ZNF593OS: variants seen among roughly 807,000 people sequenced by gnomAD.
ZNF593OS encodes the protein ZNF593 opposite strand.
chr1:26,170,553 C>G, exon 2 of ZNF593OS: 2 of 1,613,994 alleles, frequency 1.2e-6, no homozygotes, highest in Non-Finnish European at 1.7e-6. Flanking sequence ...CAGCTCCCAA[C>G]TCCTGTTTTT....
exon 2 of ZNF593OS, chr1:26,170,731 G>T (rs1222483631): frequency 6.3e-7 from 1 of 1,599,228 alleles, no homozygotes; most frequent in East Asian, 2.2e-5. Flanking sequence ...GCCTGAAGAT[G>T]CAGGGCAGAG....
chr1:26,170,416 A>G (rs764499594), downstream of ZNF593OS: 2 of 1,613,598 alleles, frequency 1.2e-6, no homozygotes, highest in Non-Finnish European at 8.5e-7. Flanking sequence ...CCATTCCTAC[A>G]GGAGGTACTT....
chr1:26,170,977 T>A (rs2088491282), exon 2 of ZNF593OS: 10 of 575,490 alleles, frequency 1.7e-5, no homozygotes. Context: ...TACTCCCCAC[T>A]TGGTCTATCT....
At chr1:26,169,945 C>G, downstream of ZNF593OS, 1 of 1,512,136 alleles carries the variant, frequency 6.6e-7, no homozygotes, top group Non-Finnish European at 8.8e-7. Context: ...GCTCCCTGCC[C>G]TGCTCCTGGC....
downstream of ZNF593OS, chr1:26,170,384 C>G: frequency 6.3e-7 from 1 of 1,598,702 alleles, no homozygotes; most frequent in East Asian, 2.2e-5. Flanking sequence ...AGACTATCAC[C>G]TCCTCACTCT....
chr1:26,169,869 C>A, downstream of ZNF593OS: 1 of 1,188,632 alleles, frequency 8.4e-7, no homozygotes, highest in Non-Finnish European at 1.1e-6. Context: ...GGCGGTCCGG[C>A]CGAGCCTGCC....
At position 26,170,762 on chromosome 1, in the gene ZNF593OS, C is replaced by A. The variant is rs558531818; in HGVS notation, c.*427G>T. 3.8e-6 allele frequency: 6 copies of A among 1,580,002 alleles called. No homozygotes were observed. The African/African-American group carries it at 8.0e-5, about 21-fold the overall frequency. On this transcript the variant is annotated 3_prime_UTR_variant, in exon 2 of 2. Coordinates refer to ENST00000648649, the Ensembl canonical transcript of ZNF593OS. ...CAGAGGAATTGCCCATGGACAGTGACGCAAGGACTAGGCTGGGAGGGAGCG... is the reference window on the plus strand; with the variant it reads ...CAGAGGAATTGCCCATGGACAGTGAAGCAAGGACTAGGCTGGGAGGGAGCG...
At chr1:26,170,015 G>A (rs533604195), downstream of ZNF593OS, 15 of 1,562,278 alleles carry the variant, frequency 9.6e-6, no homozygotes, top group Admixed American at 1.9e-5. Context: ...GGCGCGCACC[G>A]AGCGCACTCT....
rs563760518 is a variant in ZNF593OS at position 26,171,724 on chromosome 1, C to T, written c.-63G>A. 5 of 398,526 alleles carry T rather than the reference C, an allele frequency of 1.3e-5. No individual in the cohort carries two copies. Among genetic ancestry groups the T allele is most frequent in the East Asian group, 7.1e-5 (2 of 28,064 alleles). The allele number at this position is 398,526 out of a possible 1,614,324, so 24.7% of individuals were successfully genotyped here. On this transcript the variant is annotated 5_prime_UTR_variant, in exon 1 of 2. Transcript: ENST00000648649. The surrounding 1 kb of genome is among the most constrained non-coding windows in gnomAD (Gnocchi z 5.5). ...GGGAGCGGACGTGAAGACCAGTGGT[C>T]TTCATGACACCAAGAAGTGGAAACT...
Position 26,171,482 on chromosome 1 carries a change from C to T in ZNF593OS, c.45+135G>A. ...GGAGATTCCACCCCAATCCCTTTCG[C>T]CTCACTGCCCATCTGGGCCTGCCTG... On this transcript the variant is annotated intron_variant, in intron 1 of 1. Transcript: ENST00000648649. This position sits in a 1 kb window ranked among gnomAD's most constrained non-coding sequence, Gnocchi z 5.5. 1 of 398,630 alleles carries T rather than the reference C, an allele frequency of 2.5e-6. No individual in the cohort carries two copies. The highest frequency in any genetic ancestry group is 4.4e-6 in the Non-Finnish European group (1 of 226,194). The allele number at this position is 398,630 out of a possible 1,614,324, so 24.7% of individuals were successfully genotyped here.
At position 26,171,206 on chromosome 1, in the gene ZNF593OS, C is replaced by A; in HGVS notation, c.175G>T (p.Val59Leu). ...CTTCTTCGTTACGGGGCCCGTGGCA[C>A]CCGCCGCTGCCCCACCATCTTCCAG... is the stretch of plus-strand genomic sequence containing the variant. Residue 59 changes from valine to leucine, a missense_variant, in exon 2 of 2, where the codon GTG (valine) becomes TTG (leucine). Coordinates refer to ENST00000648649, the Ensembl canonical transcript of ZNF593OS. This position sits in a 1 kb window ranked among gnomAD's most constrained non-coding sequence, Gnocchi z 5.5. The A allele has an allele frequency of 2.5e-6, 1 of 406,794 alleles. No individual in the cohort carries two copies. The allele number at this position is 406,794 out of a possible 1,614,324, so 25.2% of individuals were successfully genotyped here.
downstream of ZNF593OS, chr1:26,169,755 C>T (rs2088464370): frequency 1.9e-6 from 1 of 535,950 alleles, no homozygotes; most frequent in Non-Finnish European, 3.2e-6. Context: ...CGGGGCCATG[C>T]CCTTCAGTGG....
In ZNF593OS at chr1:26,171,120, G is replaced by A; in HGVS notation, c.*69C>T. ...CAGAGACTGATCCCCAGAAAAGAAG[G>A]CTTCTGAGATTGCACCCCCCTCCCG... On this transcript the variant is annotated 3_prime_UTR_variant, in exon 2 of 2. Coordinates refer to ENST00000648649, the Ensembl canonical transcript of ZNF593OS. This position sits in a 1 kb window ranked among gnomAD's most constrained non-coding sequence, Gnocchi z 5.5. 2 of 408,132 alleles carry A rather than the reference G, an allele frequency of 4.9e-6. No individual in the cohort carries two copies. The highest frequency in any genetic ancestry group is 2.2e-4 in the South Asian group (2 of 9,188). The allele number at this position is 408,132 out of a possible 1,614,324, so 25.3% of individuals were successfully genotyped here. A position where few individuals can be genotyped will look rare whatever the true frequency, so the allele number is the denominator to read the frequency against.
chr1:26,171,008 T>C lies in ZNF593OS; in HGVS notation c.*181A>G. 3.7e-6 allele frequency: 2 copies of C among 546,348 alleles called. No homozygotes were observed. The highest frequency in any genetic ancestry group is 2.8e-5 in the South Asian group (1 of 35,536). 33.8% of individuals were successfully genotyped at this position (546,348 alleles called of 1,614,324 possible). On this transcript the variant is annotated 3_prime_UTR_variant, in exon 2 of 2. Coordinates refer to ENST00000648649, the Ensembl canonical transcript of ZNF593OS. The surrounding 1 kb of genome is among the most constrained non-coding windows in gnomAD (Gnocchi z 5.5). Reference sequence around the variant, plus strand: ...TATCTCTGCCTTCCCTCTGAGGTCCTAGCATCTGAACTGGAGCACCCAGAT... The same window carrying C: ...TATCTCTGCCTTCCCTCTGAGGTCCCAGCATCTGAACTGGAGCACCCAGAT...
rs2088497050 is a variant in ZNF593OS, at chr1:26,171,480, C to T, written c.45+137G>A. On this transcript the variant is annotated intron_variant, in intron 1 of 1. Coordinates refer to ENST00000648649, the Ensembl canonical transcript of ZNF593OS. This position sits in a 1 kb window ranked among gnomAD's most constrained non-coding sequence, Gnocchi z 5.5. The stretch of plus-strand genomic sequence containing the variant: ...AGGGAGATTCCACCCCAATCCCTTT[C>T]GCCTCACTGCCCATCTGGGCCTGCC... The T allele has an allele frequency of 2.5e-5, 10 of 398,466 alleles. No individual in the cohort carries two copies. Among genetic ancestry groups the T allele is most frequent in the Non-Finnish European group, 4.4e-5 (10 of 226,182 alleles). The allele number at this position is 398,466 out of a possible 1,614,324, so 24.7% of individuals were successfully genotyped here.
rs370729691 is a variant in ZNF593OS, at chr1:26,170,793, A to AC, written c.*395dup. The AC allele has an allele frequency of 4.6e-4, 707 of 1,531,676 alleles. 3 individuals are homozygous for AC. In the African/African-American group the frequency reaches 9.2e-3, roughly 20 times the overall value. The allele number at this position is 1,531,676 out of a possible 1,614,324, so 94.9% of individuals were successfully genotyped here. A position where few individuals can be genotyped will look rare whatever the true frequency, so the allele number is the denominator to read the frequency against. On this transcript the variant is annotated 3_prime_UTR_variant, in exon 2 of 2. Transcript: ENST00000648649. ...GACTAGGCTGGGAGGGAGCGTGCCAACCCCTTTTGCCTCTGGGTTTGGGGA... is the reference window on the plus strand; with the variant it reads ...GACTAGGCTGGGAGGGAGCGTGCCAACCCCCTTTTGCCTCTGGGTTTGGGGA...
downstream of ZNF593OS, chr1:26,170,153 G>C (rs751175966): frequency 1.9e-6 from 3 of 1,571,672 alleles, no homozygotes; most frequent in African/African-American, 4.1e-5. Context: ...GACCTGCCAG[G>C]GGGCGGTCTG....
At chr1:26,169,907 T>C (rs1310679899), downstream of ZNF593OS, 2 of 1,396,726 alleles carry the variant, frequency 1.4e-6, no homozygotes, top group Non-Finnish European at 1.9e-6. Flanking sequence ...CTGACGTAGC[T>C]GATCGGCCCG....
exon 2 of ZNF593OS, chr1:26,170,766 A>G: frequency 6.3e-7 from 1 of 1,576,134 alleles, no homozygotes; most frequent in African/African-American, 1.3e-5. Flanking sequence ...CAGTGACGCA[A>G]GGACTAGGCT....
Sources: gnomAD v4.1 joint callset for allele counts on GRCh38, gnomAD v4.1.1 for gene constraint, Gnocchi (gnomAD v3.1) non-coding constraint, MANE v1.5 for transcripts, NCBI Gene and HGNC (gene_info 2026-07-23, HGNC 2026-07-21) for gene names.